The following MARK3 variants were observed in gnomAD, a reference collection of about 807,000 sequenced individuals.
MARK3 encodes the protein MAP/microtubule affinity-regulating kinase 3.
A neutral mutation model predicts 90.1 loss-of-function variants in MARK3; 46 were observed. The ratio of observed to expected loss-of-function variants is 0.51; its 90% CI spans 0.40 to 0.65. The LOEUF is 0.65. Ranked by LOEUF, MARK3 falls within the 30% of genes least tolerant of loss-of-function variation. The probability of loss-of-function intolerance (pLI) is 0.00; values close to 1 mark genes in which losing one functional copy is unlikely to be tolerated. For synonymous variants in MARK3, 321 were observed against 332.6 expected, an observed-to-expected ratio of 0.97 and a Z score of 0.38; for missense variants, 818 against 947.2, an observed-to-expected ratio of 0.86 and a Z score of 1.79.
intron 14 of MARK3, among the ~76,000 whole-genome samples, chr14:103,485,982 A>G (rs1244884628): frequency 1.3e-5 from 2 of 152,126 alleles, no homozygotes; most frequent in Non-Finnish European, 2.9e-5. Context: ...AAACATTGCT[A>G]TTTCTATCAA....
intron 2 of MARK3, among the ~76,000 whole-genome samples, chr14:103,411,898 G>A (rs1210409517): frequency 6.6e-6 from 1 of 151,640 alleles, no homozygotes; most frequent in Non-Finnish European, 1.5e-5. Context: ...TGGGATTACA[G>A]GTGTGAGCCA....
chr14:103,433,634 G>T (rs930355742), intron 3 of MARK3, among the ~76,000 whole-genome samples: 1 of 151,748 alleles, frequency 6.6e-6, no homozygotes. Flanking sequence ...GCAGTGAGCC[G>T]AGATCACACC....
rs1406354719 is a variant in MARK3 at position 103,386,066 on chromosome 14, C to T, written c.37C>T (p.Arg13Ter). ...TRTPLPTVNE[R>*]DTENHTSHGD... ...GACCCCATTGCCAACGGTGAATGAA[C>T]GAGACACTGAAAACGTAAGTAACCT... The change falls in exon 1 of 18, where the codon CGA (arginine) becomes TGA (stop). Residue 13 changes from arginine to a stop codon, truncating the protein, a stop_gained. Transcript: ENST00000429436. LOFTEE classifies it high-confidence loss of function. The T allele has an allele frequency of 2.5e-6, 4 of 1,614,030 alleles. No individual in the cohort carries two copies. The African/African-American group carries it at 4.0e-5, about 16-fold the overall frequency.
At chr14:103,428,948 G>A (rs2092496252) in intron 3 of MARK3, among the ~76,000 whole-genome samples, 1 of 152,178 alleles carries the variant, frequency 6.6e-6, no homozygotes, top group African/African-American at 2.4e-5. Context: ...TGTTCATAAA[G>A]CAGTATTGCC....
intron 14 of MARK3, among the ~76,000 whole-genome samples, chr14:103,487,066 G>A (rs912129622): frequency 4.6e-5 from 7 of 151,628 alleles, no homozygotes; most frequent in African/African-American, 9.7e-5. Context: ...ACAGGGGCCC[G>A]CCACCACACC....
At chr14:103,404,946 C>T (rs941600978) in intron 1 of MARK3, 130 bp from the exon 2 acceptor site, 5 of 587,130 alleles carry the variant, frequency 8.5e-6, no homozygotes, top group Admixed American at 7.6e-5. Flanking sequence ...GGTTAAATTC[C>T]TTTGAAGTGC....
chr14:103,500,325 G>C, intron 17 of MARK3, 125 bp downstream of exon 17: 1 of 715,146 alleles, frequency 1.4e-6, no homozygotes, highest in South Asian at 2.0e-5. Flanking sequence ...TACGTAGAGA[G>C]GGTGGCCACA....
intron 15 of MARK3, among the ~76,000 whole-genome samples, chr14:103,493,922 CTTTT>C (rs2075166017): frequency 1.3e-5 from 2 of 149,108 alleles, no homozygotes; most frequent in East Asian, 3.9e-4. Flanking sequence ...TCTTTGTACT[CTTTT>C]TTCAGTCATT....
chr14:103,462,033 TAAAAAAAAA>T (rs34942342), intron 6 of MARK3, among the ~76,000 whole-genome samples: 1 of 140,530 alleles, frequency 7.1e-6, no homozygotes, highest in East Asian at 2.1e-4. Context: ...GAGACTCTGT[TAAAAAAAAA>T]AAAAAAAAAA....
intron 2 of MARK3, among the ~76,000 whole-genome samples, chr14:103,410,302 G>A (rs573713694): frequency 2.0e-5 from 3 of 152,310 alleles, no homozygotes; most frequent in African/African-American, 7.2e-5. Flanking sequence ...AAGAGGAGGA[G>A]AAAGGAAGAA....
At position 103,477,422 on chromosome 14, in the gene MARK3, A is replaced by G. The variant is rs184574970; in HGVS notation, c.1482+2212A>G. 1.5e-3 allele frequency among the ~76,000 whole-genome samples: 224 copies of G among 152,042 alleles called. 1 individual carries two copies. The East Asian group carries it at 0.028, about 19-fold the overall frequency. On this transcript the variant is annotated intron_variant, in intron 13 of 17. Transcript: ENST00000429436. The stretch of plus-strand genomic sequence containing the variant: ...CAGGAGAATTGCTTTAACCGAGAAG[A>G]TGGAGGTTGCAGTGAGCTGAGATTG...
At chr14:103,483,322 TTTC>T (rs1423065761) in intron 14 of MARK3, among the ~76,000 whole-genome samples, 1 of 152,186 alleles carries the variant, frequency 6.6e-6, no homozygotes, top group East Asian at 1.9e-4. Flanking sequence ...CCTTAAATGT[TTTC>T]TTCTTTATAT....
chr14:103,467,857 A>G, intron 11 of MARK3, 176 bp from the exon 12 acceptor site: 1 of 522,394 alleles, frequency 1.9e-6, no homozygotes, highest in Non-Finnish European at 3.3e-6. Flanking sequence ...GTGTCTTTCC[A>G]GCCGTCAGAA....
intron 1 of MARK3, among the ~76,000 whole-genome samples, chr14:103,394,762 C>G (rs1410531741): frequency 6.6e-6 from 1 of 152,106 alleles, no homozygotes; most frequent in Non-Finnish European, 1.5e-5. Flanking sequence ...AGGTTTTGTT[C>G]ATAGAATTTT....
intron 14 of MARK3, chr14:103,491,414 C>T (rs775067289): frequency 4.6e-6 from 1 of 218,044 alleles, no homozygotes; most frequent in Non-Finnish European, 9.3e-6. Flanking sequence ...TCTTCAGTTA[C>T]GCCAGCATAT....
intron 5 of MARK3, among the ~76,000 whole-genome samples, chr14:103,455,793 T>C (rs138492606): frequency 2.0e-5 from 3 of 151,996 alleles, no homozygotes; most frequent in East Asian, 1.9e-4. Flanking sequence ...CCATTCATTA[T>C]GTAAAATTTA....
At position 103,385,881 on chromosome 14, in the gene MARK3, G is replaced by A. The variant is rs2089745315; in HGVS notation, c.-149G>A. 1.1e-5 allele frequency: 7 copies of A among 634,820 alleles called. No individual in the cohort carries two copies. Among genetic ancestry groups the A allele is most frequent in the Non-Finnish European group, 2.0e-5 (7 of 353,292 alleles). 39.3% of individuals were successfully genotyped at this position (634,820 alleles called of 1,614,324 possible). On this transcript the variant is annotated 5_prime_UTR_variant, in exon 1 of 18. Transcript: ENST00000429436. ...GGGGGACGGCCCGGGCCAGGCCCGG[G>A]ATCTAGACGGCCGTAGGGGGAAGGG...
Position 103,460,073 on chromosome 14 carries a change from C to CTTTTTTTTTTTTTT in MARK3, c.484-2314_484-2301dup, listed in dbSNP as rs571611660. 4.6e-3 allele frequency among the ~76,000 whole-genome samples: 192 copies of CTTTTTTTTTTTTTT among 41,716 alleles called. 47 individuals carry two copies. Among genetic ancestry groups the CTTTTTTTTTTTTTT allele is most frequent in the South Asian group, 0.012 (6 of 504 alleles). 27.4% of individuals were successfully genotyped at this position (41,716 alleles called of 152,430 possible). ...AAAAAGAATAGATTTCCAGCTCCAT[C>CTTTTTTTTTTTTTT]TTTTTTTTTTTTTTTTTTTTTTTTT... On this transcript the variant is annotated intron_variant, in intron 6 of 17. Coordinates refer to ENST00000429436, the MANE Select transcript of MARK3 (RefSeq NM_001128918.3).
At chr14:103,393,548 C>G (rs1317833582) in intron 1 of MARK3, among the ~76,000 whole-genome samples, 1 of 151,574 alleles carries the variant, frequency 6.6e-6, no homozygotes, top group Non-Finnish European at 1.5e-5. Context: ...TTTGAGCATC[C>G]TTATCTTATG....
Sources: gnomAD v4.1 joint callset for allele counts (sites outside exome capture counted in the v4.1 genomes callset) on GRCh38, gnomAD v4.1.1 for gene constraint, MANE v1.5 for transcripts, NCBI Gene and HGNC (gene_info 2026-07-23, HGNC 2026-07-21) for gene names.